Variants in MALRD1 observed in about 807,000 individuals in gnomAD.
MALRD1 encodes the protein MAM and LDL receptor class A domain containing 1.
Under a neutral mutation model 242.1 loss-of-function variants are expected in MALRD1, and 247 were observed. The ratio of observed to expected loss-of-function variants is 1.02; its 90% CI spans 0.92 to 1.13. The LOEUF is 1.13. Ranked by LOEUF, MALRD1 falls within the 50% of genes most tolerant of loss-of-function variation. The pLI, the probability that MALRD1 is intolerant of heterozygous loss-of-function variation, is 0.00. For missense variants in MALRD1, 2,989 were observed against 2,533.1 expected, an observed-to-expected ratio of 1.18 and a Z score of -3.86; for synonymous variants, 995 against 866.6, an observed-to-expected ratio of 1.15 and a Z score of -2.60.
chr10:19,710,533 G>C (rs867967545), intron 38 of MALRD1: 1 of 151,416 alleles, frequency 6.6e-6, no homozygotes, highest in African/African-American at 2.4e-5. Context: ...CTTCTTTGGT[G>C]TGTATACACA....
At chr10:19,231,976 T>C (rs1208099866) in intron 18 of MALRD1, among the ~76,000 whole-genome samples, 3 of 152,190 alleles carry the variant, frequency 2.0e-5, no homozygotes, top group African/African-American at 7.2e-5. Flanking sequence ...CTTTTAATAA[T>C]CTTTCCAAAT....
intron 29 of MALRD1, among the ~76,000 whole-genome samples, chr10:19,483,094 G>A (rs1837082681): frequency 6.6e-6 from 1 of 151,278 alleles, no homozygotes; most frequent in African/African-American, 2.4e-5. Context: ...ACAAAAAATA[G>A]ACACATAGAC....
chr10:19,175,483 T>TATATATATA (rs199565400), intron 14 of MALRD1, among the ~76,000 whole-genome samples, 155 bp downstream of exon 14: 9 of 148,096 alleles, frequency 6.1e-5, no homozygotes, highest in East Asian at 2.0e-4. Flanking sequence ...TATATATATA[T>TATATATATA]TTTAAAAGGT....
At chr10:19,378,784 A>G (rs1448215803) in intron 26 of MALRD1, among the ~76,000 whole-genome samples, 1 of 151,982 alleles carries the variant, frequency 6.6e-6, no homozygotes, top group African/African-American at 2.4e-5. Flanking sequence ...CTTGTCATGT[A>G]TTTTTCTGTT....
chr10:19,620,473 A>G (rs1839350936), intron 36 of MALRD1, among the ~76,000 whole-genome samples: 1 of 152,068 alleles, frequency 6.6e-6, no homozygotes, highest in Admixed American at 6.6e-5. Context: ...CATTGTAATT[A>G]CATTTTCGAT....
chr10:19,542,381 C>T (rs929108327), intron 32 of MALRD1, among the ~76,000 whole-genome samples: 5 of 151,976 alleles, frequency 3.3e-5, no homozygotes, highest in Admixed American at 6.5e-5. Flanking sequence ...AAGCCATTTT[C>T]TGTCATAAAA....
rs184854623 is a variant in MALRD1 at position 19,147,552 on chromosome 10, A to G, written c.1558+1208A>G. Among the ~76,000 whole-genome samples the G allele has an allele frequency of 4.5e-4, 69 of 152,352 alleles. 1 individual carries two copies. In the South Asian group the frequency reaches 0.012, roughly 26 times the overall value. On this transcript the variant is annotated intron_variant, in intron 11 of 39. Coordinates refer to ENST00000454679, the MANE Select transcript of MALRD1 (RefSeq NM_001142308.3). The stretch of plus-strand genomic sequence containing the variant: ...TTAACAACACATTTTCTCTAAACTC[A>G]TATAATATTTTACTTCTTTTTCTCT...
chr10:19,435,396 C>T lies in MALRD1; in HGVS notation c.4846-14911C>T, dbSNP rs138812445. Among the ~76,000 whole-genome samples the T allele has an allele frequency of 2.2e-3, 335 of 152,056 alleles. 1 individual carries two copies. Among genetic ancestry groups the T allele is most frequent in the African/African-American group, 7.7e-3 (318 of 41,516 alleles). The stretch of plus-strand genomic sequence containing the variant: ...TGAGTCCATACCTTATCCAGATTTC[C>T]TTGGTTTTAGACTAATGTCATTTTC... On this transcript the variant is annotated intron_variant, in intron 28 of 39. Coordinates refer to ENST00000454679, the MANE Select transcript of MALRD1 (RefSeq NM_001142308.3).
chr10:19,272,208 A>G (rs961138779), intron 19 of MALRD1, among the ~76,000 whole-genome samples: 1 of 152,090 alleles, frequency 6.6e-6, no homozygotes, highest in Admixed American at 6.5e-5. Context: ...AGAGAAAAAA[A>G]TTAGAGAAAC....
chr10:19,730,906 TAGTGG>T, intron 39 of MALRD1, 125 bp downstream of exon 39: 2 of 886,160 alleles, frequency 2.3e-6, no homozygotes, highest in Non-Finnish European at 3.4e-6. Flanking sequence ...AGAAATGTTT[TAGTGG>T]AGTTATTTCA....
intron 14 of MALRD1, among the ~76,000 whole-genome samples, chr10:19,179,275 A>T (rs1222400817): frequency 6.6e-6 from 1 of 152,214 alleles, no homozygotes; most frequent in Non-Finnish European, 1.5e-5. Context: ...GTCAAACAAG[A>T]TGAATAAGCT....
At chr10:19,350,871 C>G (rs994860441) in intron 25 of MALRD1, among the ~76,000 whole-genome samples, 18 of 151,656 alleles carry the variant, frequency 1.2e-4, no homozygotes, top group African/African-American at 4.3e-4. Context: ...AGAGGTTGGC[C>G]CCTGGCCACT....
chr10:19,641,591 T>C (rs1182243511), intron 36 of MALRD1, among the ~76,000 whole-genome samples: 1 of 152,154 alleles, frequency 6.6e-6, no homozygotes, highest in Non-Finnish European at 1.5e-5. Context: ...GGAGGCAACA[T>C]ATAAATTATG....
chr10:19,705,385 A>C (rs1273129844), intron 38 of MALRD1, among the ~76,000 whole-genome samples: 1 of 152,198 alleles, frequency 6.6e-6, no homozygotes, highest in Non-Finnish European at 1.5e-5. Context: ...TCACTAGCAC[A>C]GTGACCGAGG....
Position 19,155,079 on chromosome 10 carries a change from G to A in MALRD1, c.1563G>A (p.Ser521=), listed in dbSNP as rs558678128. 8.9e-6 allele frequency: 11 copies of A among 1,231,324 alleles called. No individual in the cohort carries two copies. In the East Asian group the frequency reaches 1.9e-4, roughly 21 times the overall value. The allele number at this position is 1,231,324 out of a possible 1,614,324, so 76.3% of individuals were successfully genotyped here. ...ADHTANINHG[S]FIYLEAQRSP... ...ACTTTCCCTTTGTTTTTTCAGGATC[G>A]TTTATTTATTTGGAGGCACAGCGCT... Residue 521 remains serine, a synonymous_variant, in exon 12 of 40, where the codon TCG becomes TCA. Transcript: ENST00000454679.
chr10:19,589,483 CACTTGAA>C (rs1432342124), intron 33 of MALRD1, among the ~76,000 whole-genome samples: 1 of 152,122 alleles, frequency 6.6e-6, no homozygotes, highest in African/African-American at 2.4e-5. Flanking sequence ...GATTCCAACA[CACTTGAA>C]ACTTGGGATC....
At chr10:19,402,531 A>G (rs952254860) in intron 28 of MALRD1, among the ~76,000 whole-genome samples, 3 of 152,166 alleles carry the variant, frequency 2.0e-5, no homozygotes, top group African/African-American at 7.2e-5. Context: ...AGGCCTCCCC[A>G]GCCATGTGGA....
chr10:19,523,878 A>G (rs1326759366), intron 31 of MALRD1, among the ~76,000 whole-genome samples: 1 of 152,202 alleles, frequency 6.6e-6, no homozygotes, highest in Non-Finnish European at 1.5e-5. Flanking sequence ...AGTTAATAGC[A>G]TTAAAATGAG....
At chr10:19,518,368 T>A (rs1719865794) in intron 31 of MALRD1, among the ~76,000 whole-genome samples, 1 of 152,236 alleles carries the variant, frequency 6.6e-6, no homozygotes. Context: ...GTGCAGATAT[T>A]ATCATTTCTG....
Sources: gnomAD v4.1 joint callset for allele counts (sites outside exome capture counted in the v4.1 genomes callset) on GRCh38, gnomAD v4.1.1 for gene constraint, MANE v1.5 for transcripts, NCBI Gene and HGNC (gene_info 2026-07-23, HGNC 2026-07-21) for gene names.